The following ADCY2 variants were observed in gnomAD, a reference collection of about 807,000 sequenced individuals.
ADCY2 encodes the protein adenylate cyclase type 2.
In ADCY2, 31 loss-of-function variants were observed where a neutral mutation model predicts 125.2. The ratio of observed to expected loss-of-function variants is 0.25; its 90% confidence interval spans 0.19 to 0.33. The LOEUF (loss-of-function observed/expected upper bound fraction) is 0.33, where lower values mean the gene tolerates loss of function less well. Among genes scored for constraint, ADCY2 ranks in the 10% least tolerant of loss-of-function variants. The probability of loss-of-function intolerance (pLI) is 1.00; values close to 1 mark genes in which losing one functional copy is unlikely to be tolerated. For missense variants in ADCY2, 904 were observed against 1,418.2 expected (o/e 0.64, Z 5.82); for synonymous variants, 512 against 548.4 (o/e 0.93, Z 0.93).
chr5:7,820,505 A>C, intron 23 of ADCY2, 60 bp from the exon 24 acceptor site: 1 of 1,593,884 alleles, frequency 6.3e-7, no homozygotes, highest in Non-Finnish European at 8.6e-7. Context: ...AAAAATAAAA[A>C]AAATAAAAAG....
At chr5:7,400,167 A>G (rs1319820218) in intron 1 of ADCY2, among the ~76,000 whole-genome samples, 1 of 152,234 alleles carries the variant, frequency 6.6e-6, no homozygotes, top group East Asian at 1.9e-4. Flanking sequence ...ACTTATGATT[A>G]GGAATAGTCA....
intron 22 of ADCY2, among the ~76,000 whole-genome samples, chr5:7,805,412 C>T (rs1050745743): frequency 5.9e-5 from 9 of 152,184 alleles, no homozygotes; most frequent in Middle Eastern, 3.4e-3. Flanking sequence ...AATTGAATAT[C>T]TTCAATCAAC....
chr5:7,621,016 A>G (rs1737937310), intron 3 of ADCY2, among the ~76,000 whole-genome samples: 1 of 152,208 alleles, frequency 6.6e-6, no homozygotes, highest in African/African-American at 2.4e-5. Flanking sequence ...TTGCCACCCC[A>G]ACATGAGGTT....
At chr5:7,646,230 CA>C (rs1212536901) in intron 4 of ADCY2, among the ~76,000 whole-genome samples, 8 of 151,808 alleles carry the variant, frequency 5.3e-5, no homozygotes, top group African/African-American at 1.9e-4. Context: ...GCAAGAATAA[CA>C]AAGCCAGAAA....
At chr5:7,594,983 G>A (rs968827609) in intron 3 of ADCY2, among the ~76,000 whole-genome samples, 2 of 152,180 alleles carry the variant, frequency 1.3e-5, no homozygotes, top group African/African-American at 4.8e-5. Flanking sequence ...GCTTCTCTAA[G>A]CCAATTATTT....
At chr5:7,535,283 T>TA (rs1446428606) in intron 3 of ADCY2, among the ~76,000 whole-genome samples, 1 of 152,190 alleles carries the variant, frequency 6.6e-6, no homozygotes, top group East Asian at 1.9e-4. Context: ...CCTCAGGTGA[T>TA]ACACCCGCCT....
At chr5:7,437,246 A>G (rs1417679244) in intron 2 of ADCY2, among the ~76,000 whole-genome samples, 1 of 152,174 alleles carries the variant, frequency 6.6e-6, no homozygotes, top group African/African-American at 2.4e-5. Flanking sequence ...CAGCCCCCTC[A>G]AGCTACTACA....
At chr5:7,404,695 C>G (rs564110364) in intron 1 of ADCY2, among the ~76,000 whole-genome samples, 1 of 152,362 alleles carries the variant, frequency 6.6e-6, no homozygotes, top group African/African-American at 2.4e-5. Flanking sequence ...GCCTTAAAAA[C>G]CACCATAAAA....
At chr5:7,428,087 A>C (rs1221038165) in intron 2 of ADCY2, among the ~76,000 whole-genome samples, 2 of 152,210 alleles carry the variant, frequency 1.3e-5, no homozygotes. Flanking sequence ...GTCTGCTATC[A>C]TGCAGAGGGC....
intron 19 of ADCY2, among the ~76,000 whole-genome samples, chr5:7,786,949 GC>G (rs1280937338): frequency 6.6e-6 from 1 of 152,174 alleles, no homozygotes; most frequent in African/African-American, 2.4e-5. Flanking sequence ...TTGAGGCTGT[GC>G]TAGATGAGAG....
rs865827871 is a variant in ADCY2, at chr5:7,565,469, A to C, written c.570+44570A>C. Among the ~76,000 whole-genome samples the C allele has an allele frequency of 6.6e-5, 10 of 152,338 alleles. No homozygotes were observed. The Middle Eastern group carries it at 0.014, about 207-fold the overall frequency. On this transcript the variant is annotated intron_variant, in intron 3 of 24. Coordinates refer to ENST00000338316, the MANE Select transcript of ADCY2 (RefSeq NM_020546.3). ...TCCATTTTAATATCAATAGGGAAGA[A>C]ATGAAGCCTCGGTAAACACTATTTT...
At position 7,494,926 on chromosome 5, in the gene ADCY2, G is replaced by C. The variant is rs560372128; in HGVS notation, c.409-25812G>C. Reference sequence around the variant, plus strand: ...CCTTCCAAACCAAGCTTCTCTGAGAGAACACCGGACCAGCTGCCATGTTGT... The same window carrying C: ...CCTTCCAAACCAAGCTTCTCTGAGACAACACCGGACCAGCTGCCATGTTGT... On this transcript the variant is annotated intron_variant, in intron 2 of 24. Transcript: ENST00000338316. Among the ~76,000 whole-genome samples the C allele has an allele frequency of 2.0e-5, 3 of 152,340 alleles. No individual in the cohort carries two copies. In the South Asian group the frequency reaches 6.2e-4, roughly 32 times the overall value.
At chr5:7,477,492 AC>A (rs1742568166) in intron 2 of ADCY2, among the ~76,000 whole-genome samples, 1 of 151,804 alleles carries the variant, frequency 6.6e-6, no homozygotes, top group South Asian at 2.1e-4. Context: ...ACCATCTAGT[AC>A]CTGCTGTCAG....
chr5:7,535,825 A>T (rs754193379), intron 3 of ADCY2, among the ~76,000 whole-genome samples: 2 of 152,206 alleles, frequency 1.3e-5, no homozygotes, highest in Non-Finnish European at 2.9e-5. Context: ...TGCTAATGAT[A>T]TTAACATGAC....
At position 7,414,565 on chromosome 5, in the gene ADCY2, C is replaced by G. The variant is rs778595153; in HGVS notation, c.211-8C>G. The stretch of plus-strand genomic sequence containing the variant: ...GTAACTTTTCCATGTATTTTTTTAT[C>G]TCCTCAGGAAGTTGAAGACCATGTG... On this transcript the variant is annotated splice_polypyrimidine_tract_variant and splice_region_variant and intron_variant, in intron 1 of 24. Transcript: ENST00000338316. 2 of 1,591,094 alleles carry G rather than the reference C, an allele frequency of 1.3e-6. No individual in the cohort carries two copies. Among genetic ancestry groups the G allele is most frequent in the East Asian group, 2.3e-5 (1 of 44,192 alleles).
chr5:7,820,433 G>A lies in ADCY2; in HGVS notation c.2999-132G>A, dbSNP rs1745259124. ...CGCTTGAGCCTGGGAGGTGAAGGTTGCAGTCAGCCAAGATTGCGCCACTGC... is the reference window on the plus strand; with the variant it reads ...CGCTTGAGCCTGGGAGGTGAAGGTTACAGTCAGCCAAGATTGCGCCACTGC... On this transcript the variant is annotated intron_variant, in intron 23 of 24. Coordinates refer to ENST00000338316, the MANE Select transcript of ADCY2 (RefSeq NM_020546.3). The A allele has an allele frequency of 8.5e-5, 96 of 1,132,314 alleles. 2 individuals are homozygous for A. In the South Asian group the frequency reaches 1.3e-3, roughly 15 times the overall value. 70.1% of individuals were successfully genotyped at this position (1,132,314 alleles called of 1,614,324 possible). A position where few individuals can be genotyped will look rare whatever the true frequency, so the allele number is the denominator to read the frequency against.
At chr5:7,474,846 T>G (rs1206627157) in intron 2 of ADCY2, among the ~76,000 whole-genome samples, 1 of 152,210 alleles carries the variant, frequency 6.6e-6, no homozygotes, top group Non-Finnish European at 1.5e-5. Flanking sequence ...AAAGTGTTAA[T>G]GAAGCCAGTG....
chr5:7,529,351 T>C (rs1213760660), intron 3 of ADCY2, among the ~76,000 whole-genome samples: 1 of 152,220 alleles, frequency 6.6e-6, no homozygotes, highest in African/African-American at 2.4e-5. Context: ...TATTATGTTT[T>C]CAGGGTGCAA....
At chr5:7,638,472 C>T (rs979796390) in intron 4 of ADCY2, among the ~76,000 whole-genome samples, 2 of 152,066 alleles carry the variant, frequency 1.3e-5, no homozygotes, top group African/African-American at 2.4e-5. Flanking sequence ...AGGGCAGGAA[C>T]CAATGATTGG....
Sources: allele counts gnomAD v4.1 joint callset (sites outside exome capture counted in the v4.1 genomes callset), GRCh38; gene constraint gnomAD v4.1.1; transcripts MANE v1.5; gene names NCBI Gene and HGNC (gene_info 2026-07-23, HGNC 2026-07-21).